FOXP4: variants seen among roughly 807,000 people sequenced by gnomAD.
The protein encoded by FOXP4 is forkhead box P4.
FOXP4 carries 25 observed loss-of-function variants against 82.6 expected under a neutral mutation model. The observed-to-expected ratio is 0.30, with a 90% CI of 0.22 to 0.42. The LOEUF is 0.42. FOXP4 is among the 10% of genes least tolerant of loss of function. The probability of loss-of-function intolerance (pLI) is 1.00; values close to 1 mark genes in which losing one functional copy is unlikely to be tolerated. For synonymous variants in FOXP4, 415 were observed against 388.2 expected, an observed-to-expected ratio of 1.07 and a Z score of -0.81; for missense variants, 785 against 900.9, an observed-to-expected ratio of 0.87 and a Z score of 1.65.
intron 3 of FOXP4, among the ~76,000 whole-genome samples, chr6:41,583,688 C>T (rs1765932498): frequency 6.6e-6 from 1 of 152,198 alleles, no homozygotes; most frequent in Non-Finnish European, 1.5e-5. Context: ...GGGCGGCAGA[C>T]AGCCCCATCA....
intron 11 of FOXP4, 42 bp from the exon 12 acceptor site, chr6:41,590,229 A>C (rs1190754187): frequency 6.2e-7 from 1 of 1,612,068 alleles, no homozygotes; most frequent in East Asian, 2.2e-5. Flanking sequence ...TTCCCATCTG[A>C]GCCCCATATC....
intron 3 of FOXP4, among the ~76,000 whole-genome samples, chr6:41,578,685 G>A (rs1765633931): frequency 7.0e-6 from 1 of 143,250 alleles, no homozygotes; most frequent in South Asian, 2.4e-4. Context: ...CCATCTGGCT[G>A]GCTGGGGGAG....
At chr6:41,567,302 G>A (rs1426009566) in intron 2 of FOXP4, among the ~76,000 whole-genome samples, 1 of 152,202 alleles carries the variant, frequency 6.6e-6, no homozygotes, top group African/African-American at 2.4e-5. Context: ...GTGGAACAGA[G>A]GACTTCAAAA....
chr6:41,548,804 CT>C (rs1763822967), intron 1 of FOXP4, among the ~76,000 whole-genome samples: 1 of 149,148 alleles, frequency 6.7e-6, no homozygotes, highest in African/African-American at 2.5e-5. Context: ...CGGAAAACCG[CT>C]GTGGGGAAGT....
In FOXP4 at chr6:41,588,592, G is replaced by T. The variant is rs1409107936; in HGVS notation, c.978-52G>T. The T allele has an allele frequency of 2.6e-6, 4 of 1,560,782 alleles. No individual in the cohort carries two copies. The African/African-American group carries it at 4.1e-5, about 16-fold the overall frequency. ...TTAGAGGATAGGATGGGAGGATGGTGGCAGCAGGGAAACCGGAGCCAACTT... is the reference window on the plus strand; with the variant it reads ...TTAGAGGATAGGATGGGAGGATGGTTGCAGCAGGGAAACCGGAGCCAACTT... On this transcript the variant is annotated intron_variant, in intron 8 of 16. Coordinates refer to ENST00000307972, the MANE Select transcript of FOXP4 (RefSeq NM_001012426.2).
chr6:41,560,840 C>A (rs1275004506), intron 1 of FOXP4, among the ~76,000 whole-genome samples: 1 of 152,250 alleles, frequency 6.6e-6, no homozygotes, highest in African/African-American at 2.4e-5. Context: ...GTAATTAATA[C>A]TCGCTACGCC....
Position 41,584,968 on chromosome 6 carries a change from A to G in FOXP4, c.423+77A>G, listed in dbSNP as rs1166429777. The G allele has an allele frequency of 6.1e-6, 9 of 1,485,984 alleles. No individual in the cohort carries two copies. The African/African-American group carries it at 1.1e-4, about 18-fold the overall frequency. 92.0% of individuals were successfully genotyped at this position (1,485,984 alleles called of 1,614,324 possible). A position where few individuals can be genotyped will look rare whatever the true frequency, so the allele number is the denominator to read the frequency against. ...CCTCCCACCCTGTTTACACCTCACC[A>G]AGGGCCCAAGCTGTCCCAGAAACCA... is the stretch of plus-strand genomic sequence containing the variant. On this transcript the variant is annotated intron_variant, in intron 4 of 16. Transcript: ENST00000307972.
chr6:41,563,964 A>T (rs373277906), intron 1 of FOXP4, among the ~76,000 whole-genome samples: 2 of 152,212 alleles, frequency 1.3e-5, no homozygotes, highest in African/African-American at 4.8e-5. Flanking sequence ...CCAATCCCCC[A>T]TAGGTGCCAA....
Position 41,587,826 on chromosome 6 carries a change from C to G in FOXP4, c.906C>G (p.Pro302=), listed in dbSNP as rs770853452. The G allele has an allele frequency of 1.3e-5, 21 of 1,570,786 alleles. No homozygotes were observed. The highest frequency in any genetic ancestry group is 1.1e-4 in the Admixed American group (6 of 54,864). The change falls in exon 8 of 17, where the codon CCC becomes CCG. Residue 302 remains proline, a synonymous_variant. Transcript: ENST00000307972. ...SSHEETPGSH[P]LYGHGECKWP... ...ACGAGGAGACCCCCGGCTCCCACCCCCTGTACGGACACGGAGAGTGCAAGT... is the reference window on the plus strand; with the variant it reads ...ACGAGGAGACCCCCGGCTCCCACCCGCTGTACGGACACGGAGAGTGCAAGT...
At chr6:41,576,527 A>G (rs1025481744) in intron 2 of FOXP4, among the ~76,000 whole-genome samples, 5 of 152,128 alleles carry the variant, frequency 3.3e-5, no homozygotes, top group Non-Finnish European at 7.3e-5. Context: ...AAACAAGTGT[A>G]TGTGTGGACA....
intron 1 of FOXP4, among the ~76,000 whole-genome samples, chr6:41,552,200 C>T (rs1764037526): frequency 1.3e-5 from 2 of 152,154 alleles, no homozygotes. Context: ...AAAGAAGTTG[C>T]TTCAAAAGAG....
In FOXP4 at chr6:41,590,287, T is replaced by C. The variant is rs1369260032; in HGVS notation, c.1374T>C (p.His458=). 1.2e-6 allele frequency: 2 copies of C among 1,613,996 alleles called. No homozygotes were observed. Among genetic ancestry groups the C allele is most frequent in the South Asian group, 1.1e-5 (1 of 91,076 alleles). Reference sequence around the variant, plus strand: ...TCTCCCCAGAGCTGGCCCAGAATCATGAGTTCTACAAGAACGCCGACGTCC... The same window carrying C: ...TCTCCCCAGAGCTGGCCCAGAATCACGAGTTCTACAAGAACGCCGACGTCC... ...SPISSELAQN[H]EFYKNADVRP... Residue 458 remains histidine (H), a synonymous_variant, in exon 12 of 17, where the codon CAT becomes CAC. Coordinates refer to ENST00000307972, the MANE Select transcript of FOXP4 (RefSeq NM_001012426.2).
chr6:41,584,957 T>C (rs1476499805), intron 4 of FOXP4, 66 bp downstream of exon 4: 9 of 1,513,646 alleles, frequency 5.9e-6, no homozygotes, highest in African/African-American at 4.1e-5. Context: ...CCACCCTGTT[T>C]ACACCTCACC....
chr6:41,548,102 G>T (rs971462435), intron 1 of FOXP4, among the ~76,000 whole-genome samples: 1 of 152,208 alleles, frequency 6.6e-6, no homozygotes, highest in African/African-American at 2.4e-5. Context: ...GGAACCCTGA[G>T]CCCAGAGCGC....
At chr6:41,553,820 T>C (rs780205708) in intron 1 of FOXP4, among the ~76,000 whole-genome samples, 7 of 152,154 alleles carry the variant, frequency 4.6e-5, no homozygotes, top group East Asian at 1.9e-4. Context: ...CCAGAACTGA[T>C]CCATTAAAAC....
chr6:41,562,073 G>C (rs1764612628), intron 1 of FOXP4, among the ~76,000 whole-genome samples: 1 of 152,256 alleles, frequency 6.6e-6, no homozygotes, highest in African/African-American at 2.4e-5. Flanking sequence ...ACAGTGCAGG[G>C]AGCACACCGG....
intron 3 of FOXP4, among the ~76,000 whole-genome samples, chr6:41,583,487 G>T (rs145377904): frequency 1.0e-3 from 157 of 152,316 alleles, no homozygotes; most frequent in Middle Eastern, 3.4e-3. Context: ...TCTCTGACTG[G>T]GCTAGCCCTG....
chr6:41,549,054 G>C (rs897249628), intron 1 of FOXP4, among the ~76,000 whole-genome samples: 4 of 152,032 alleles, frequency 2.6e-5, no homozygotes, highest in African/African-American at 4.8e-5. Flanking sequence ...TGGTTTTGTG[G>C]TTGCCCCCTC....
At chr6:41,562,758 A>G (rs182866583) in intron 1 of FOXP4, among the ~76,000 whole-genome samples, 255 of 152,324 alleles carry the variant, frequency 1.7e-3, no homozygotes, top group African/African-American at 5.8e-3. Flanking sequence ...GAATCAGAGC[A>G]GGCAGCTGCT....
Sources: gnomAD v4.1 joint callset for allele counts (sites outside exome capture counted in the v4.1 genomes callset) on GRCh38, gnomAD v4.1.1 for gene constraint, MANE v1.5 for transcripts, NCBI Gene and HGNC (gene_info 2026-07-23, HGNC 2026-07-21) for gene names.